EXT2: variants seen among roughly 807,000 people sequenced by gnomAD.
EXT2 encodes the protein exostosin glycosyltransferase 2.
Under a neutral mutation model 81.6 loss-of-function variants are expected in EXT2, and 53 were observed. The observed-to-expected ratio is 0.65, with a 90% CI of 0.52 to 0.82. The LOEUF (loss-of-function observed/expected upper bound fraction) is 0.82, where lower values mean the gene tolerates loss of function less well. Ranked by LOEUF, EXT2 falls within the 40% of genes least tolerant of loss-of-function variation. The pLI, the probability that EXT2 is intolerant of heterozygous loss-of-function variation, is 0.00. For missense variants in EXT2, 774 were observed against 910.2 expected (o/e 0.85, Z 1.93); for synonymous variants, 320 against 340.0 (o/e 0.94, Z 0.65).
chr11:44,210,667 CTA>C (rs1955636737), intron 10 of EXT2, among the ~76,000 whole-genome samples: 1 of 152,132 alleles, frequency 6.6e-6, no homozygotes, highest in African/African-American at 2.4e-5. Flanking sequence ...TGTATATCAA[CTA>C]TATTTCCAAA....
intron 13 of EXT2, among the ~76,000 whole-genome samples, 196 bp from the exon 14 acceptor site, chr11:44,243,953 C>T (rs1233911412): frequency 6.6e-6 from 1 of 152,186 alleles, no homozygotes; most frequent in Non-Finnish European, 1.5e-5. Flanking sequence ...CAGTTCACCG[C>T]TTTTTTCCAC....
chr11:44,124,704 G>A, intron 4 of EXT2, 85 bp from the exon 5 acceptor site: 1 of 1,098,324 alleles, frequency 9.1e-7, no homozygotes, highest in Admixed American at 1.8e-5. Context: ...AACACTTACT[G>A]TCATAAGTTT....
At chr11:44,208,641 A>G (rs1284390826) in intron 10 of EXT2, among the ~76,000 whole-genome samples, 1 of 152,340 alleles carries the variant, frequency 6.6e-6, no homozygotes, top group East Asian at 1.9e-4. Context: ...TTTGATAACA[A>G]CCTTGTATAT....
At chr11:44,123,604 G>T (rs372483956) in intron 4 of EXT2, among the ~76,000 whole-genome samples, 1 of 152,164 alleles carries the variant, frequency 6.6e-6, no homozygotes, top group Non-Finnish European at 1.5e-5. Context: ...GAGTATTTGC[G>T]TTATACTCTT....
intron 7 of EXT2, among the ~76,000 whole-genome samples, chr11:44,150,027 G>A (rs1954772120): frequency 6.6e-6 from 1 of 152,190 alleles, no homozygotes; most frequent in East Asian, 1.9e-4. Context: ...GAAATTCTTT[G>A]GAACATGCTA....
intron 4 of EXT2, among the ~76,000 whole-genome samples, chr11:44,115,240 T>C (rs1954205236): frequency 6.6e-6 from 1 of 152,210 alleles, no homozygotes; most frequent in Non-Finnish European, 1.5e-5. Context: ...CTTTTTTAAG[T>C]GACAGAGTCT....
At chr11:44,096,983 C>T (rs533339278) in intron 1 of EXT2, among the ~76,000 whole-genome samples, 1 of 152,286 alleles carries the variant, frequency 6.6e-6, no homozygotes, top group East Asian at 1.9e-4. Context: ...TCCCCGACTT[C>T]CTGGTTGCAT....
chr11:44,142,924 A>C (rs1049990701), intron 7 of EXT2, among the ~76,000 whole-genome samples: 1 of 152,196 alleles, frequency 6.6e-6, no homozygotes, highest in Non-Finnish European at 1.5e-5. Context: ...GATATATCAG[A>C]TATATAATCT....
intron 8 of EXT2, among the ~76,000 whole-genome samples, chr11:44,191,326 A>G (rs1955389046): frequency 6.6e-6 from 1 of 152,254 alleles, no homozygotes; most frequent in South Asian, 2.1e-4. Context: ...TCAGAATAAT[A>G]CACACTTATT....
At chr11:44,149,215 A>T (rs1954760130) in intron 7 of EXT2, among the ~76,000 whole-genome samples, 1 of 152,122 alleles carries the variant, frequency 6.6e-6, no homozygotes, top group Non-Finnish European at 1.5e-5. Flanking sequence ...TGAAAAACTT[A>T]GCTGGGTGTG....
rs1955774854 is a variant in EXT2 at position 44,220,969 on chromosome 11, T to C, written c.1663-11384T>C. On this transcript the variant is annotated intron_variant, in intron 10 of 13. Transcript: ENST00000533608. The surrounding 1 kb of genome is among the most constrained non-coding windows in gnomAD (Gnocchi z 4.4). Reference sequence around the variant, plus strand: ...TGAACATTGAAATAACATCTGATCATTGAAAAAAAGCACCTAGTTGGGAAT... The same window carrying C: ...TGAACATTGAAATAACATCTGATCACTGAAAAAAAGCACCTAGTTGGGAAT... 6.6e-6 allele frequency among the ~76,000 whole-genome samples: 1 copy of C among 152,216 alleles called. No individual in the cohort carries two copies. The highest frequency in any genetic ancestry group is 1.9e-4 in the East Asian group (1 of 5,206).
chr11:44,105,899 A>G (rs1261590821), intron 1 of EXT2, among the ~76,000 whole-genome samples: 4 of 152,180 alleles, frequency 2.6e-5, no homozygotes, highest in Admixed American at 2.6e-4. Flanking sequence ...TTAAACAACA[A>G]CAGTCATTTA....
rs145261340 is a variant in EXT2 at position 44,136,050 on chromosome 11, A to G, written c.1173+5912A>G. 1.6e-4 allele frequency among the ~76,000 whole-genome samples: 24 copies of G among 152,334 alleles called. No homozygotes were observed. The East Asian group carries it at 4.6e-3, about 29-fold the overall frequency. The stretch of plus-strand genomic sequence containing the variant: ...TATTGGATCTTGTGTAATATGTTTT[A>G]TAAAGTTTTCTGTTTAAGATGTTTG... On this transcript the variant is annotated intron_variant, in intron 7 of 13. Transcript: ENST00000533608.
chr11:44,164,386 T>C (rs1954965357), intron 7 of EXT2, among the ~76,000 whole-genome samples: 3 of 152,200 alleles, frequency 2.0e-5, no homozygotes. Context: ...CTGTTTTCTC[T>C]TATTTCAAAA....
intron 6 of EXT2, among the ~76,000 whole-genome samples, chr11:44,127,688 G>T (rs1490235294): frequency 1.3e-5 from 2 of 152,224 alleles, no homozygotes; most frequent in Non-Finnish European, 2.9e-5. Flanking sequence ...CTACAGAGTA[G>T]ACTCACCTGG....
chr11:44,096,403 C>T, intron 1 of EXT2: 1 of 1,377,860 alleles, frequency 7.3e-7, no homozygotes, highest in African/African-American at 1.5e-5. Flanking sequence ...TGACCGGGAA[C>T]TAGATGGCCG....
At chr11:44,167,930 C>T (rs191324978) in intron 7 of EXT2, among the ~76,000 whole-genome samples, 172 of 152,008 alleles carry the variant, frequency 1.1e-3, no homozygotes, top group Non-Finnish European at 1.6e-3. Context: ...CGTCCTCTAG[C>T]ATTAGGTATA....
chr11:44,099,271 C>T (rs573323852), intron 1 of EXT2, among the ~76,000 whole-genome samples: 4 of 152,136 alleles, frequency 2.6e-5, no homozygotes, highest in African/African-American at 7.2e-5. Flanking sequence ...CTGCAAGCTC[C>T]GCCTCCCAGG....
At chr11:44,201,595 T>A (rs1955523275) in intron 9 of EXT2, among the ~76,000 whole-genome samples, 1 of 152,212 alleles carries the variant, frequency 6.6e-6, no homozygotes, top group Non-Finnish European at 1.5e-5. Context: ...AGATTACCAT[T>A]TAGTTGTAGG....
Sources: allele counts gnomAD v4.1 joint callset (sites outside exome capture counted in the v4.1 genomes callset), GRCh38; gene constraint gnomAD v4.1.1; non-coding constraint Gnocchi (gnomAD v3.1); transcripts MANE v1.5; gene names NCBI Gene and HGNC (gene_info 2026-07-23, HGNC 2026-07-21).